Variants in FILIP1L observed in about 807,000 individuals in gnomAD.
FILIP1L encodes filamin A-interacting protein 1-like.
FILIP1L carries 55 observed loss-of-function variants against 96.6 expected under a neutral mutation model. That is an observed-to-expected ratio of 0.57 (90% confidence interval 0.46 to 0.71). The LOEUF is 0.71. Ranked by LOEUF, FILIP1L falls within the 30% of genes least tolerant of loss-of-function variation. FILIP1L has a pLI of 0.00. For missense variants in FILIP1L, 1,304 were observed against 1,321.2 expected, an observed-to-expected ratio of 0.99 and a Z score of 0.20; for synonymous variants, 467 against 473.9, an observed-to-expected ratio of 0.99 and a Z score of 0.19.
Position 99,909,548 on chromosome 3 carries a change from T to C in FILIP1L, c.605+14682A>G, listed in dbSNP as rs114702587. On this transcript the variant is annotated intron_variant, in intron 4 of 5. Transcript: ENST00000477258. ...ATAATCATTCATGGCAAGGGCAAGA[T>C]TTCTTTTAGGTGAAGCAGAAACTCT... Among the ~76,000 whole-genome samples the C allele has an allele frequency of 4.3e-3, 654 of 152,268 alleles. 3 individuals are homozygous for C. Among genetic ancestry groups the C allele is most frequent in the Non-Finnish European group, 7.7e-3 (523 of 68,010 alleles).
At chr3:99,855,862 T>C (rs771149759) in intron 4 of FILIP1L, among the ~76,000 whole-genome samples, 18 of 152,236 alleles carry the variant, frequency 1.2e-4, no homozygotes, top group Non-Finnish European at 2.2e-4. Flanking sequence ...TATTTTAACA[T>C]TTGCCATCTA....
chr3:99,876,062 C>T (rs1705497717), intron 4 of FILIP1L: 2 of 985,864 alleles, frequency 2.0e-6, no homozygotes, highest in Non-Finnish European at 1.2e-6. Flanking sequence ...AGTTGCTCTC[C>T]CGGGCTTACC....
At chr3:100,080,252 G>A (rs2107401333) in intron 1 of FILIP1L, among the ~76,000 whole-genome samples, 1 of 151,986 alleles carries the variant, frequency 6.6e-6, no homozygotes, top group East Asian at 1.9e-4. Flanking sequence ...CAAAGTATTG[G>A]GATTACAAGC....
rs1467780426 is a variant in FILIP1L at position 99,850,414 on chromosome 3, C to T, written c.1262G>A (p.Ser421Asn). 1 of 1,613,874 alleles carries T rather than the reference C, an allele frequency of 6.2e-7. No homozygotes were observed. The highest frequency in any genetic ancestry group is 2.2e-5 in the East Asian group (1 of 44,868). ...CTTTTCCAGAGCCATAATTCTTTTA[C>T]TGAGTTTTTCAACCTCTAGTTTAAA... ...KDFKLEVEKL[S>N]KRIMALEKLE... Residue 421 changes from serine to asparagine, a missense_variant, in exon 5 of 6, where the codon AGT (serine) becomes AAT (asparagine). Coordinates refer to ENST00000477258, the MANE Select transcript of FILIP1L (RefSeq NM_001387850.1).
chr3:99,927,708 A>T (rs1707340320), intron 3 of FILIP1L, among the ~76,000 whole-genome samples: 1 of 151,822 alleles, frequency 6.6e-6, no homozygotes, highest in Non-Finnish European at 1.5e-5. Context: ...AACTAAGAAT[A>T]CCTTAGGCTA....
intron 4 of FILIP1L, among the ~76,000 whole-genome samples, chr3:99,901,052 T>C (rs1706419267): frequency 6.6e-6 from 1 of 152,242 alleles, no homozygotes; most frequent in Admixed American, 6.5e-5. Context: ...GTGGAAATAC[T>C]GGATAACATT....
At chr3:99,944,530 G>T (rs190117702) in intron 1 of FILIP1L, among the ~76,000 whole-genome samples, 1 of 152,142 alleles carries the variant, frequency 6.6e-6, no homozygotes, top group African/African-American at 2.4e-5. Context: ...ACACTAAATC[G>T]TTAGGCACTG....
chr3:100,017,026 G>A (rs1710364022), intron 1 of FILIP1L, among the ~76,000 whole-genome samples: 1 of 152,068 alleles, frequency 6.6e-6, no homozygotes, highest in South Asian at 2.1e-4. Context: ...GTTTTTGTTA[G>A]TTTTTCAAAT....
At chr3:99,888,696 C>G (rs765246180) in intron 4 of FILIP1L, among the ~76,000 whole-genome samples, 2 of 152,154 alleles carry the variant, frequency 1.3e-5, no homozygotes, top group Non-Finnish European at 2.9e-5. Flanking sequence ...TCTTCTTAGA[C>G]TGCTTTTTGT....
chr3:100,014,420 T>A (rs1401199355), intron 1 of FILIP1L, among the ~76,000 whole-genome samples: 1 of 152,060 alleles, frequency 6.6e-6, no homozygotes, highest in Non-Finnish European at 1.5e-5. Context: ...ACCTGCAGAC[T>A]TATTTTCTGT....
At chr3:100,102,534 G>A (rs765619935) in intron 1 of FILIP1L, among the ~76,000 whole-genome samples, 7 of 152,074 alleles carry the variant, frequency 4.6e-5, no homozygotes, top group South Asian at 4.1e-4. Flanking sequence ...TTATCTGTAC[G>A]TCTCTTGTAA....
rs1471441152 is a variant in FILIP1L at position 99,980,750 on chromosome 3, G to A, written c.-10-49720C>T. Among the ~76,000 whole-genome samples, 5 of 152,212 alleles carry A rather than the reference G, an allele frequency of 3.3e-5. No homozygotes were observed. In the South Asian group the frequency reaches 6.2e-4, roughly 19 times the overall value. ...ACTTGGTAAGTTCTCACTGTTATCC[G>A]TTCTGCATTATTATTAGTTACAGGT... On this transcript the variant is annotated intron_variant, in intron 1 of 5. Coordinates refer to ENST00000477258, the MANE Select transcript of FILIP1L (RefSeq NM_001387850.1).
intron 1 of FILIP1L, among the ~76,000 whole-genome samples, chr3:100,013,141 T>G (rs1376548391): frequency 6.6e-6 from 1 of 152,140 alleles, no homozygotes; most frequent in Non-Finnish European, 1.5e-5. Context: ...CCTCCCAAAG[T>G]GCTGGGATTG....
chr3:100,019,755 A>AT (rs1318077336), intron 1 of FILIP1L, among the ~76,000 whole-genome samples: 1 of 152,192 alleles, frequency 6.6e-6, no homozygotes, highest in African/African-American at 2.4e-5. Context: ...CAGAACTATC[A>AT]TCTTTCAAAC....
intron 4 of FILIP1L, among the ~76,000 whole-genome samples, chr3:99,912,777 C>G (rs990007220): frequency 1.3e-5 from 2 of 152,182 alleles, no homozygotes; most frequent in African/African-American, 4.8e-5. Context: ...GGGTTGTTTT[C>G]ACTTCTTGAC....
intron 1 of FILIP1L, among the ~76,000 whole-genome samples, chr3:99,990,848 A>G (rs1026415525): frequency 1.1e-4 from 16 of 152,212 alleles, no homozygotes; most frequent in Non-Finnish European, 2.4e-4. Context: ...ATTTCCCTTC[A>G]TATTTTCTCC....
chr3:100,009,180 G>A (rs1710072067), intron 1 of FILIP1L, among the ~76,000 whole-genome samples: 1 of 152,162 alleles, frequency 6.6e-6, no homozygotes, highest in African/African-American at 2.4e-5. Context: ...GTTTCAATTT[G>A]ATCACTCAAA....
chr3:99,878,095 T>C (rs545851587), intron 4 of FILIP1L, among the ~76,000 whole-genome samples: 49 of 152,358 alleles, frequency 3.2e-4, no homozygotes, highest in African/African-American at 1.2e-3. Context: ...TTCTACTCCT[T>C]GTATGCCCTT....
At chr3:100,027,924 G>C (rs1285922479) in intron 1 of FILIP1L, among the ~76,000 whole-genome samples, 3 of 152,154 alleles carry the variant, frequency 2.0e-5, no homozygotes, top group Admixed American at 2.0e-4. Flanking sequence ...TTGGAGAGTA[G>C]ACAGGGCCAA....
Sources: gnomAD v4.1 joint callset for allele counts (sites outside exome capture counted in the v4.1 genomes callset) on GRCh38, gnomAD v4.1.1 for gene constraint, MANE v1.5 for transcripts, NCBI Gene and HGNC (gene_info 2026-07-23, HGNC 2026-07-21) for gene names.